KIF5C: variants seen among roughly 807,000 people sequenced by gnomAD.
KIF5C encodes the protein kinesin heavy chain isoform 5C.
A neutral mutation model predicts 125.2 loss-of-function variants in KIF5C; 18 were observed. That is an observed-to-expected ratio of 0.14 (90% CI 0.10 to 0.21). The LOEUF is 0.21. Ranked by LOEUF, KIF5C falls within the 10% of genes least tolerant of loss-of-function variation. The pLI is 1.00. For synonymous variants in KIF5C, 405 were observed against 434.0 expected (o/e 0.93, Z 0.83); for missense variants, 780 against 1,183.8 (o/e 0.66, Z 5.01).
At chr2:148,953,226 A>G (rs1682711174) in intron 10 of KIF5C, among the ~76,000 whole-genome samples, 1 of 152,240 alleles carries the variant, frequency 6.6e-6, no homozygotes, top group African/African-American at 2.4e-5. Flanking sequence ...ATGCTTATCA[A>G]ATGAATGAAC....
chr2:148,984,104 T>C (rs1681313300), intron 15 of KIF5C, among the ~76,000 whole-genome samples: 1 of 152,396 alleles, frequency 6.6e-6, no homozygotes, highest in Non-Finnish European at 1.5e-5. Context: ...GCAACAGTTC[T>C]AGTCTCAGAA....
At chr2:148,997,997 C>T (rs1373500413) in intron 18 of KIF5C, 6 of 210,186 alleles carry the variant, frequency 2.9e-5, no homozygotes, top group Non-Finnish European at 4.9e-5. Flanking sequence ...GTGCAGTGGG[C>T]AGGGCAGGGG....
At chr2:148,938,388 C>T (rs1682336817) in intron 4 of KIF5C, among the ~76,000 whole-genome samples, 1 of 152,182 alleles carries the variant, frequency 6.6e-6, no homozygotes, top group Non-Finnish European at 1.5e-5. Context: ...TATCCTAATT[C>T]TTGAGCATAT....
intron 1 of KIF5C, chr2:148,878,584 G>C (rs1681260969): frequency 6.6e-6 from 1 of 152,256 alleles, no homozygotes; most frequent in Non-Finnish European, 1.5e-5. Context: ...TGGGAGTTGG[G>C]TTGGCATGTG....
At chr2:148,923,426 AT>A (rs1049727624) in intron 2 of KIF5C, among the ~76,000 whole-genome samples, 1 of 152,222 alleles carries the variant, frequency 6.6e-6, no homozygotes, top group African/African-American at 2.4e-5. Context: ...GAGAAAAAAA[AT>A]ATGACTGAAT....
chr2:148,979,628 G>C (rs1202114761), intron 13 of KIF5C, among the ~76,000 whole-genome samples: 1 of 152,144 alleles, frequency 6.6e-6, no homozygotes, highest in Non-Finnish European at 1.5e-5. Context: ...CCTGTTGTTT[G>C]AGTCCTACTT....
In KIF5C at chr2:149,005,410, A is replaced by G. The variant is rs1278552292; in HGVS notation, c.2391A>G (p.Thr797=). The change falls in exon 22 of 26, where the codon ACA becomes ACG. Residue 797 remains threonine, a synonymous_variant. Coordinates refer to ENST00000435030, the MANE Select transcript of KIF5C (RefSeq NM_004522.3). ...LEETVSRELQ[T]LHNLRKLFVQ... is the part of the protein sequence containing the mutation. ...TCTTCCAGTCTAGAGAATTGCAGAC[A>G]CTGCACAACCTTCGGAAACTCTTTG... 2.0e-5 allele frequency: 33 copies of G among 1,613,840 alleles called. No homozygotes were observed. Among genetic ancestry groups the G allele is most frequent in the Non-Finnish European group, 2.5e-5 (30 of 1,179,822 alleles).
chr2:148,902,067 G>A (rs1209875251), intron 1 of KIF5C, among the ~76,000 whole-genome samples: 3 of 152,118 alleles, frequency 2.0e-5, no homozygotes, highest in African/African-American at 4.8e-5. Context: ...GCTCTTTTTC[G>A]CACTGTGAGT....
At chr2:148,928,652 T>C (rs1429608926) in intron 2 of KIF5C, among the ~76,000 whole-genome samples, 1 of 152,194 alleles carries the variant, frequency 6.6e-6, no homozygotes, top group Non-Finnish European at 1.5e-5. Flanking sequence ...GGGCCTGGGC[T>C]GGCTTGTTAG....
At chr2:148,946,825 T>A (rs189703954) in intron 7 of KIF5C, 74 bp from the exon 8 acceptor site, 1 of 1,582,262 alleles carries the variant, frequency 6.3e-7, no homozygotes, top group East Asian at 2.3e-5. Flanking sequence ...TGACTTGTTA[T>A]GCTTTTTAAA....
At chr2:148,928,702 GGGCCC>G (rs1249368288) in intron 2 of KIF5C, among the ~76,000 whole-genome samples, 1 of 152,108 alleles carries the variant, frequency 6.6e-6, no homozygotes, top group Non-Finnish European at 1.5e-5. Flanking sequence ...ATTTAAGTGA[GGGCCC>G]GGCTAGTTTC....
intron 1 of KIF5C, among the ~76,000 whole-genome samples, chr2:148,909,889 A>G (rs866375560): frequency 8.5e-5 from 13 of 152,156 alleles, no homozygotes; most frequent in South Asian, 2.1e-4. Context: ...TCGCTGTGCG[A>G]CTATTATGTG....
chr2:148,897,215 A>G (rs1321112694), intron 1 of KIF5C, among the ~76,000 whole-genome samples: 1 of 152,194 alleles, frequency 6.6e-6, no homozygotes, highest in East Asian at 1.9e-4. Context: ...TAGTTTTATG[A>G]AGTGACACTG....
intron 21 of KIF5C, among the ~76,000 whole-genome samples, chr2:149,001,075 T>C (rs1265877252): frequency 6.6e-6 from 1 of 152,194 alleles, no homozygotes; most frequent in Non-Finnish European, 1.5e-5. Context: ...CACTCAACAT[T>C]CAACAGATAT....
At chr2:148,941,762 A>G (rs1682412619) in intron 5 of KIF5C, 104 bp downstream of exon 5, 2 of 1,485,270 alleles carry the variant, frequency 1.3e-6, no homozygotes, top group Admixed American at 2.3e-5. Context: ...GAAAATTTAT[A>G]GAGATACTCT....
chr2:148,964,143 C>T (rs1045713356), intron 11 of KIF5C, among the ~76,000 whole-genome samples: 8 of 151,912 alleles, frequency 5.3e-5, no homozygotes, highest in East Asian at 1.9e-4. Context: ...GGTGTGGTGG[C>T]GCATGCCTGT....
At chr2:148,967,829 A>AT in intron 11 of KIF5C, among the ~76,000 whole-genome samples, 1 of 152,186 alleles carries the variant, frequency 6.6e-6, no homozygotes, top group Non-Finnish European at 1.5e-5. Context: ...TTTGTTGCTC[A>AT]TATGTGCGGG....
chr2:149,005,306 G>A, intron 21 of KIF5C, 87 bp from the exon 22 acceptor site: 1 of 1,556,212 alleles, frequency 6.4e-7, no homozygotes, highest in Non-Finnish European at 8.7e-7. Flanking sequence ...GCAGGCTTGG[G>A]AAGTGTCGGG....
chr2:149,015,626 T>C (rs1169318840), intron 25 of KIF5C, among the ~76,000 whole-genome samples: 1 of 152,194 alleles, frequency 6.6e-6, no homozygotes, highest in African/African-American at 2.4e-5. Flanking sequence ...TATACAAAAA[T>C]CAAAAGAACC....
Sources: gnomAD v4.1 joint callset for allele counts (sites outside exome capture counted in the v4.1 genomes callset) on GRCh38, gnomAD v4.1.1 for gene constraint, MANE v1.5 for transcripts, NCBI Gene and HGNC (gene_info 2026-07-23, HGNC 2026-07-21) for gene names.